GABRR2: variants seen among roughly 807,000 people sequenced by gnomAD.
GABRR2 encodes gamma-aminobutyric acid receptor subunit rho-2.
In GABRR2, 36 loss-of-function variants were observed where a neutral mutation model predicts 47.0. The ratio of observed to expected loss-of-function variants is 0.77; its 90% confidence interval spans 0.59 to 1.01. GABRR2 has a LOEUF of 1.01. Among genes scored for constraint, GABRR2 ranks in the 50% least tolerant of loss-of-function variants. The probability of loss-of-function intolerance (pLI) is 0.00; values close to 1 mark genes in which losing one functional copy is unlikely to be tolerated. For synonymous variants in GABRR2, 204 were observed against 227.5 expected (o/e 0.90, Z 0.93); for missense variants, 587 against 594.6 (o/e 0.99, Z 0.13).
chr6:89,282,117 C>T (rs901320685), intron 2 of GABRR2, among the ~76,000 whole-genome samples: 5 of 151,480 alleles, frequency 3.3e-5, no homozygotes, highest in African/African-American at 1.2e-4. Context: ...CACACACATT[C>T]GCACATATAT....
At chr6:89,300,417 C>G (rs2127847477) in intron 1 of GABRR2, among the ~76,000 whole-genome samples, 1 of 151,730 alleles carries the variant, frequency 6.6e-6, no homozygotes, top group South Asian at 2.1e-4. Flanking sequence ...GGCTAGGGCA[C>G]AAGAATCACT....
intron 1 of GABRR2, among the ~76,000 whole-genome samples, chr6:89,314,487 T>A (rs182681031): frequency 3.0e-4 from 45 of 152,380 alleles, no homozygotes; most frequent in Admixed American, 1.2e-3. Context: ...GAAATTGCAT[T>A]CACTGTTGTT....
intron 1 of GABRR2, chr6:89,301,675 A>C (rs2127847867): frequency 1.9e-6 from 1 of 528,352 alleles, no homozygotes; most frequent in Non-Finnish European, 3.5e-6. Flanking sequence ...GGGAGGTGAA[A>C]GATCTCTACA....
chr6:89,279,139 T>C (rs1774216256), intron 2 of GABRR2, among the ~76,000 whole-genome samples: 1 of 152,170 alleles, frequency 6.6e-6, no homozygotes, highest in South Asian at 2.1e-4. Flanking sequence ...TGGAGCCGTC[T>C]CTCTGTCCCT....
At chr6:89,294,829 C>G (rs1774529184) in intron 2 of GABRR2, among the ~76,000 whole-genome samples, 1 of 138,448 alleles carries the variant, frequency 7.2e-6, no homozygotes, top group Non-Finnish European at 1.5e-5. Flanking sequence ...TGTGATGTTC[C>G]CCTACCTGTG....
At chr6:89,283,100 A>G (rs1236953259) in intron 2 of GABRR2, among the ~76,000 whole-genome samples, 1 of 152,076 alleles carries the variant, frequency 6.6e-6, no homozygotes, top group Non-Finnish European at 1.5e-5. Context: ...TCTAATTACC[A>G]ATGAGTCTGA....
intron 3 of GABRR2, among the ~76,000 whole-genome samples, chr6:89,270,230 T>A (rs1774016982): frequency 6.6e-6 from 1 of 152,160 alleles, no homozygotes; most frequent in Non-Finnish European, 1.5e-5. Flanking sequence ...GTCACAAAGC[T>A]GAAGAGCAGG....
intron 4 of GABRR2, among the ~76,000 whole-genome samples, chr6:89,268,473 G>A (rs1186698510): frequency 6.6e-6 from 1 of 152,190 alleles, no homozygotes; most frequent in Non-Finnish European, 1.5e-5. Flanking sequence ...TCTAGTATCA[G>A]CAATGCATTC....
chr6:89,260,719 C>G (rs1450008665), intron 8 of GABRR2, among the ~76,000 whole-genome samples: 1 of 152,120 alleles, frequency 6.6e-6, no homozygotes, highest in Non-Finnish European at 1.5e-5. Flanking sequence ...ATCAGTAGAC[C>G]TAGGGTGTGG....
chr6:89,268,154 G>A, intron 4 of GABRR2, 58 bp from the exon 5 acceptor site: 1 of 1,322,872 alleles, frequency 7.6e-7, no homozygotes, highest in Non-Finnish European at 1.1e-6. Flanking sequence ...TCCTACATCT[G>A]CCCAGAGCAA....
intron 1 of GABRR2, among the ~76,000 whole-genome samples, chr6:89,308,470 G>A (rs1767611850): frequency 6.6e-6 from 1 of 152,048 alleles, no homozygotes; most frequent in African/African-American, 2.4e-5. Flanking sequence ...TCAGTGGAGT[G>A]TGATAATAAA....
chr6:89,271,352 G>A (rs1455498043), intron 3 of GABRR2, among the ~76,000 whole-genome samples: 1 of 152,188 alleles, frequency 6.6e-6, no homozygotes, highest in Non-Finnish European at 1.5e-5. Flanking sequence ...CCCACCAGGT[G>A]TGGTTCGCCT....
chr6:89,268,973 G>A (rs1356454620), intron 4 of GABRR2, 38 bp downstream of exon 4: 2 of 1,571,106 alleles, frequency 1.3e-6, no homozygotes, highest in Admixed American at 1.7e-5. Flanking sequence ...ATACCAGAAA[G>A]GCACTGGACA....
intron 2 of GABRR2, among the ~76,000 whole-genome samples, chr6:89,297,852 C>A (rs1052248494): frequency 6.6e-6 from 1 of 151,014 alleles, no homozygotes; most frequent in African/African-American, 2.4e-5. Flanking sequence ...AACTCCGTCT[C>A]GAAAAAAAAA....
chr6:89,310,870 C>T (rs73752727), intron 1 of GABRR2, among the ~76,000 whole-genome samples: 2,704 of 152,132 alleles, frequency 0.018, 94 homozygotes, highest in African/African-American at 0.062. Context: ...GGGAAGACAA[C>T]GAAGAGTGTT....
At chr6:89,292,852 AT>A (rs1774494777) in intron 2 of GABRR2, among the ~76,000 whole-genome samples, 5 of 143,602 alleles carry the variant, frequency 3.5e-5, no homozygotes, top group Admixed American at 1.4e-4. Flanking sequence ...TATCGTATAT[AT>A]CATATATTAT....
intron 2 of GABRR2, 66 bp downstream of exon 2, chr6:89,299,693 G>T: frequency 9.5e-7 from 1 of 1,055,164 alleles, no homozygotes; most frequent in Non-Finnish European, 1.5e-6. Flanking sequence ...GAGGGAGCCA[G>T]AGAGGGCAGC....
chr6:89,264,310 C>T, intron 8 of GABRR2, 102 bp downstream of exon 8: 4 of 1,336,794 alleles, frequency 3.0e-6, no homozygotes, highest in Middle Eastern at 1.9e-4. Context: ...ACAAACATCT[C>T]CTTTTTCTAC....
At chr6:89,267,593 A>T in intron 6 of GABRR2, 86 bp downstream of exon 6, 1 of 1,211,822 alleles carries the variant, frequency 8.3e-7, no homozygotes, top group Non-Finnish European at 1.1e-6. Context: ...CACACACAAA[A>T]CATATTTTCC....
Sources: allele counts gnomAD v4.1 joint callset (sites outside exome capture counted in the v4.1 genomes callset), GRCh38; gene constraint gnomAD v4.1.1; transcripts MANE v1.5; gene names NCBI Gene and HGNC (gene_info 2026-07-23, HGNC 2026-07-21).